The following RUNX1 variants were observed in gnomAD, a reference collection of about 807,000 sequenced individuals.
RUNX1 encodes RUNX family transcription factor 1, also known as runt-related transcription factor 1.
A neutral mutation model predicts 42.8 loss-of-function variants in RUNX1; 19 were observed. That is an observed-to-expected ratio of 0.44 (90% confidence interval 0.31 to 0.65). The LOEUF (loss-of-function observed/expected upper bound fraction) is 0.65, where lower values mean the gene tolerates loss of function less well. Ranked by LOEUF, RUNX1 falls within the 30% of genes least tolerant of loss-of-function variation. RUNX1 has a pLI of 0.07. For missense variants in RUNX1, 528 were observed against 672.0 expected, an observed-to-expected ratio of 0.79 and a Z score of 2.37; for synonymous variants, 271 against 289.4, an observed-to-expected ratio of 0.94 and a Z score of 0.64.
chr21:34,822,784 C>T (rs1357291771), intron 7 of RUNX1, among the ~76,000 whole-genome samples: 7 of 152,146 alleles, frequency 4.6e-5, no homozygotes, highest in African/African-American at 7.2e-5. Flanking sequence ...CTGATATGTG[C>T]GGAGAGATGC....
At chr21:34,830,332 A>G (rs1345063208) in intron 7 of RUNX1, among the ~76,000 whole-genome samples, 1 of 152,152 alleles carries the variant, frequency 6.6e-6, no homozygotes, top group African/African-American at 2.4e-5. Context: ...TTAGAGATTC[A>G]TTATTCTGAG....
rs2154565 is a variant in RUNX1, at chr21:34,957,154, T to A, written c.59-64191A>T. ...GCCAGGCTGTCTCCTCTCTGCCAAA[T>A]AGGGAGAGAAACTCTGACTTGGCCG... On this transcript the variant is annotated intron_variant, in intron 2 of 8. Coordinates refer to ENST00000675419, the MANE Select transcript of RUNX1 (RefSeq NM_001754.5). 9.6e-3 allele frequency among the ~76,000 whole-genome samples: 1,469 copies of A among 152,256 alleles called. 24 individuals are homozygous for A. The highest frequency in any genetic ancestry group is 0.029 in the African/African-American group (1,207 of 41,530).
intron 6 of RUNX1, among the ~76,000 whole-genome samples, chr21:34,850,834 A>C (rs1276468472): frequency 2.6e-5 from 4 of 152,228 alleles, no homozygotes; most frequent in African/African-American, 4.8e-5. Flanking sequence ...CAACTTCATG[A>C]ATTTTTAAAT....
intron 2 of RUNX1, among the ~76,000 whole-genome samples, chr21:34,933,083 A>G (rs1281204556): frequency 6.6e-6 from 1 of 152,228 alleles, no homozygotes; most frequent in Non-Finnish European, 1.5e-5. Context: ...ATATGGGTAT[A>G]ATGTGGTGTG....
At chr21:34,800,923 A>G (rs994517915) in intron 7 of RUNX1, among the ~76,000 whole-genome samples, 2 of 152,270 alleles carry the variant, frequency 1.3e-5, no homozygotes, top group African/African-American at 4.8e-5. Flanking sequence ...ATTTTAGAGG[A>G]TTTAAAGAGC....
At chr21:35,042,562 A>G (rs146475055) in intron 2 of RUNX1, among the ~76,000 whole-genome samples, 83 of 152,332 alleles carry the variant, frequency 5.4e-4, no homozygotes, top group African/African-American at 1.8e-3. Flanking sequence ...CCTAAGCAAT[A>G]TGTCAGCGAA....
intron 2 of RUNX1, among the ~76,000 whole-genome samples, chr21:34,909,864 C>T (rs1267761940): frequency 6.6e-6 from 1 of 152,186 alleles, no homozygotes; most frequent in African/African-American, 2.4e-5. Context: ...TCCTCCTCCT[C>T]CTCCTGCTCC....
At chr21:34,993,497 C>CCACACACA (rs1569141566) in intron 2 of RUNX1, among the ~76,000 whole-genome samples, 6 of 119,128 alleles carry the variant, frequency 5.0e-5, no homozygotes, top group African/African-American at 2.1e-4. Flanking sequence ...TTGTTTGTCC[C>CCACACACA]TACACACACA....
chr21:35,025,309 C>T (rs1248900151), intron 2 of RUNX1, among the ~76,000 whole-genome samples: 1 of 152,228 alleles, frequency 6.6e-6, no homozygotes, highest in Non-Finnish European at 1.5e-5. Flanking sequence ...GATCATTCAT[C>T]AATCTGGCCT....
intron 2 of RUNX1, among the ~76,000 whole-genome samples, chr21:34,970,614 T>C (rs1370283243): frequency 1.3e-5 from 2 of 152,190 alleles, no homozygotes; most frequent in Non-Finnish European, 2.9e-5. Flanking sequence ...GGCTCCTACG[T>C]TGGTCAGAGG....
intron 7 of RUNX1, chr21:34,833,861 G>C (rs1455299095): frequency 3.3e-5 from 8 of 239,326 alleles, no homozygotes; most frequent in African/African-American, 1.1e-4. Context: ...GGGCTGGGGG[G>C]ACCTGCATTC....
At chr21:34,893,748 A>G (rs2058105255) in intron 2 of RUNX1, among the ~76,000 whole-genome samples, 1 of 151,162 alleles carries the variant, frequency 6.6e-6, no homozygotes, top group African/African-American at 2.4e-5. Flanking sequence ...TTTCAACTCC[A>G]TGCCACAATA....
At chr21:34,812,611 G>T (rs182170402) in intron 7 of RUNX1, among the ~76,000 whole-genome samples, 1 of 152,120 alleles carries the variant, frequency 6.6e-6, no homozygotes, top group African/African-American at 2.4e-5. Context: ...ACACAAAACC[G>T]CTTGGTAATA....
chr21:34,928,961 TGGG>T (rs57397826), intron 2 of RUNX1, among the ~76,000 whole-genome samples: 6 of 138,416 alleles, frequency 4.3e-5, no homozygotes, highest in Non-Finnish European at 7.7e-5. Context: ...AGATTTTTTT[TGGG>T]GGGGGGGGTA....
chr21:34,798,213 C>T (rs1569007830), intron 8 of RUNX1: 1 of 444,802 alleles, frequency 2.2e-6, no homozygotes, highest in Non-Finnish European at 4.6e-6. Flanking sequence ...CCGCCCCGTT[C>T]CCCCAACACA....
chr21:35,037,010 G>A (rs2059313423), intron 2 of RUNX1, among the ~76,000 whole-genome samples: 1 of 152,122 alleles, frequency 6.6e-6, no homozygotes, highest in Admixed American at 6.5e-5. Context: ...CCTGGACTGG[G>A]ACAGGGCAAG....
At chr21:34,897,895 T>C (rs2058143385) in intron 2 of RUNX1, among the ~76,000 whole-genome samples, 1 of 152,148 alleles carries the variant, frequency 6.6e-6, no homozygotes, top group Admixed American at 6.5e-5. Flanking sequence ...GCATATGTAA[T>C]TAAGGTTACT....
rs1185153539 is a variant in RUNX1, at chr21:35,006,347, G to C, written c.58+42495C>G. The stretch of plus-strand genomic sequence containing the variant: ...CAAACTGAACTAAATGTACTTTTCA[G>C]GAAACACAATGAGAAGGACATCATC... On this transcript the variant is annotated intron_variant, in intron 2 of 8. Transcript: ENST00000675419. 2.0e-5 allele frequency among the ~76,000 whole-genome samples: 3 copies of C among 152,166 alleles called. No individual in the cohort carries two copies. The East Asian group carries it at 5.8e-4, about 29-fold the overall frequency.
rs1341281284 is a variant in RUNX1 at position 35,048,815 on chromosome 21, G to C, written c.58+27C>G. ...TTACAGGCAAAGCTGAGCAAAAGTA[G>C]ATATTACAAGACCAGCATGTACTCA... On this transcript the variant is annotated intron_variant, in intron 2 of 8. Transcript: ENST00000675419. 6 of 1,595,862 alleles carry C rather than the reference G, an allele frequency of 3.8e-6. No individual in the cohort carries two copies. In the African/African-American group the frequency reaches 4.0e-5, roughly 11 times the overall value.
Sources: gnomAD v4.1 joint callset for allele counts (sites outside exome capture counted in the v4.1 genomes callset) on GRCh38, gnomAD v4.1.1 for gene constraint, MANE v1.5 for transcripts, NCBI Gene and HGNC (gene_info 2026-07-23, HGNC 2026-07-21) for gene names.